SQOR: variants seen among roughly 807,000 people sequenced by gnomAD.
SQOR encodes the protein sulfide quinone oxidoreductase, also known as sulfide:quinone oxidoreductase, mitochondrial.
In SQOR, 39 loss-of-function variants were observed where a neutral mutation model predicts 48.6. The ratio of observed to expected loss-of-function variants is 0.80; its 90% CI spans 0.62 to 1.05. SQOR has a LOEUF of 1.05. Among genes scored for constraint, SQOR ranks in the 50% least tolerant of loss-of-function variants. The pLI, the probability that SQOR is intolerant of heterozygous loss-of-function variation, is 0.00. For missense variants in SQOR, 561 were observed against 559.9 expected (o/e 1.00, Z -0.02); for synonymous variants, 220 against 206.2 (o/e 1.07, Z -0.57).
At chr15:45,634,066 C>T (rs1161727652), upstream of SQOR, among the ~76,000 whole-genome samples, 2 of 151,068 alleles carry the variant, frequency 1.3e-5, no homozygotes, top group African/African-American at 4.9e-5. Context: ...GTCCCAGCTA[C>T]TCAGGAGGCT....
chr15:45,657,134 A>G (rs1595575426), intron 1 of SQOR, among the ~76,000 whole-genome samples: 1 of 152,172 alleles, frequency 6.6e-6, no homozygotes, highest in Admixed American at 6.5e-5. Context: ...ACATAATTTT[A>G]AAAGACTTCA....
At chr15:45,644,068 G>C (rs4271550) in intron 1 of SQOR, among the ~76,000 whole-genome samples, 39,969 of 151,830 alleles carry the variant, frequency 0.26, 6,620 homozygotes, top group East Asian at 0.64. Flanking sequence ...TTTTAGAGAC[G>C]GCATAGAGAC....
At chr15:45,657,611 C>A (rs1436579884) in intron 1 of SQOR, among the ~76,000 whole-genome samples, 1 of 152,084 alleles carries the variant, frequency 6.6e-6, no homozygotes, top group Non-Finnish European at 1.5e-5. Context: ...TTAAGTTAAT[C>A]TTAACAGCCC....
At chr15:45,632,100 T>C (rs893459534), upstream of SQOR, 6 of 152,232 alleles carry the variant, frequency 3.9e-5, no homozygotes, top group Admixed American at 6.5e-5. Context: ...CTCTTTTGCA[T>C]TGGAAGGAGG....
At chr15:45,682,414 G>A (rs1890139347) in intron 6 of SQOR, 64 bp from the exon 7 acceptor site, 3 of 1,560,376 alleles carry the variant, frequency 1.9e-6, no homozygotes, top group Non-Finnish European at 2.6e-6. Flanking sequence ...AAGGTAGGGG[G>A]AGAGCTTGTG....
At chr15:45,670,086 A>G in intron 4 of SQOR, 105 bp downstream of exon 4, 1 of 1,053,194 alleles carries the variant, frequency 9.5e-7, no homozygotes, top group Non-Finnish European at 1.4e-6. Flanking sequence ...AAGGGGTTCT[A>G]AGAAAATCTC....
At chr15:45,643,342 C>T (rs1331163707) in intron 1 of SQOR, among the ~76,000 whole-genome samples, 1 of 152,134 alleles carries the variant, frequency 6.6e-6, no homozygotes, top group African/African-American at 2.4e-5. Context: ...ACTACAGGTG[C>T]GTGCCACCAC....
At chr15:45,653,899 G>A (rs1438429734) in intron 1 of SQOR, among the ~76,000 whole-genome samples, 2 of 152,052 alleles carry the variant, frequency 1.3e-5, no homozygotes, top group African/African-American at 2.4e-5. Context: ...CACTTTGGAC[G>A]GCAAGGCGGG....
At chr15:45,652,170 G>A (rs752963550) in intron 1 of SQOR, among the ~76,000 whole-genome samples, 4 of 151,748 alleles carry the variant, frequency 2.6e-5, no homozygotes, top group Non-Finnish European at 4.4e-5. Flanking sequence ...CACCACGTCC[G>A]GCCGGTAGTT....
intron 1 of SQOR, among the ~76,000 whole-genome samples, chr15:45,648,325 G>A (rs1889387585): frequency 1.3e-5 from 2 of 151,976 alleles, no homozygotes; most frequent in Admixed American, 6.6e-5. Context: ...TAACAGGCAT[G>A]TGCCACCATA....
At position 45,689,284 on chromosome 15, in the gene SQOR, G is replaced by T. The variant is rs1890279591; in HGVS notation, c.1295+67G>T. 3.9e-6 allele frequency: 6 copies of T among 1,520,390 alleles called. No homozygotes were observed. The South Asian group carries it at 7.1e-5, about 18-fold the overall frequency. The allele number at this position is 1,520,390 out of a possible 1,614,324, so 94.2% of individuals were successfully genotyped here. ...TAGCACATCTCCACCCAAAGGGGATGCAGCCTCTTTTCTTCATTATTAGCA... is the reference window on the plus strand; with the variant it reads ...TAGCACATCTCCACCCAAAGGGGATTCAGCCTCTTTTCTTCATTATTAGCA... On this transcript the variant is annotated intron_variant, in intron 9 of 9. Coordinates refer to ENST00000260324, the MANE Select transcript of SQOR (RefSeq NM_021199.4).
At position 45,673,553 on chromosome 15, in the gene SQOR, C is replaced by G. The variant is rs1889978945; in HGVS notation, c.460-54C>G. ...TTGTAGAAATGGCAAAGAACAAGGA[C>G]TCTAAAGACATTTGCACTTTTGTTT... On this transcript the variant is annotated intron_variant, in intron 4 of 9. Coordinates refer to ENST00000260324, the MANE Select transcript of SQOR (RefSeq NM_021199.4). 2.6e-6 allele frequency: 4 copies of G among 1,559,592 alleles called. No individual in the cohort carries two copies. The East Asian group carries it at 6.7e-5, about 26-fold the overall frequency.
chr15:45,684,245 T>A (rs1246416128), intron 7 of SQOR, among the ~76,000 whole-genome samples: 1 of 152,100 alleles, frequency 6.6e-6, no homozygotes, highest in African/African-American at 2.4e-5. Flanking sequence ...AAAATGTCCT[T>A]TTTTGTCCCA....
intron 1 of SQOR, among the ~76,000 whole-genome samples, chr15:45,640,012 T>A (rs911128925): frequency 6.6e-6 from 1 of 152,184 alleles, no homozygotes; most frequent in Non-Finnish European, 1.5e-5. Flanking sequence ...GAATAATAAT[T>A]CCCACCTCTC....
At chr15:45,650,885 C>T (rs532448409) in intron 1 of SQOR, among the ~76,000 whole-genome samples, 1 of 152,372 alleles carries the variant, frequency 6.6e-6, no homozygotes, top group South Asian at 2.1e-4. Flanking sequence ...GGTGCCTTTA[C>T]AAACCTTGAA....
At chr15:45,664,803 T>C (rs1276345650) in intron 3 of SQOR, among the ~76,000 whole-genome samples, 1 of 152,196 alleles carries the variant, frequency 6.6e-6, no homozygotes, top group East Asian at 1.9e-4. Context: ...AATGAATATA[T>C]ATAAGCAAAT....
In SQOR at chr15:45,656,254, C is replaced by G. The variant is rs531578910; in HGVS notation, c.-17-2653C>G. On this transcript the variant is annotated intron_variant, in intron 1 of 9. Transcript: ENST00000260324. ...ACAAGTTAAATGCTTATGTAAAGGACTTTGTAAATGTTAATTATCATCTAA... is the reference window on the plus strand; with the variant it reads ...ACAAGTTAAATGCTTATGTAAAGGAGTTTGTAAATGTTAATTATCATCTAA... Among the ~76,000 whole-genome samples the G allele has an allele frequency of 4.6e-5, 7 of 152,064 alleles. No individual in the cohort carries two copies. The South Asian group carries it at 6.2e-4, about 14-fold the overall frequency.
intron 1 of SQOR, among the ~76,000 whole-genome samples, chr15:45,649,646 A>ATT (rs57753215): frequency 2.0e-5 from 3 of 151,322 alleles, no homozygotes; most frequent in African/African-American, 7.3e-5. Context: ...TGCCCAGCTA[A>ATT]TTTTTTTTGT....
At chr15:45,690,692 G>C (rs1890307790) in intron 9 of SQOR, among the ~76,000 whole-genome samples, 1 of 152,200 alleles carries the variant, frequency 6.6e-6, no homozygotes, top group Non-Finnish European at 1.5e-5. Context: ...GGTAATGAAA[G>C]CAGAAAGAGT....
Sources: gnomAD v4.1 joint callset for allele counts (sites outside exome capture counted in the v4.1 genomes callset) on GRCh38, gnomAD v4.1.1 for gene constraint, MANE v1.5 for transcripts, NCBI Gene and HGNC (gene_info 2026-07-23, HGNC 2026-07-21) for gene names.